The following SLC38A9 variants were observed in gnomAD, a reference collection of about 807,000 sequenced individuals.
SLC38A9 encodes neutral amino acid transporter 9.
A neutral mutation model predicts 62.3 loss-of-function variants in SLC38A9; 48 were observed. The observed-to-expected ratio is 0.77, with a 90% CI of 0.61 to 0.98. The LOEUF is 0.98. SLC38A9 is among the 50% of genes least tolerant of loss of function. The probability of loss-of-function intolerance (pLI) is 0.00; values close to 1 mark genes in which losing one functional copy is unlikely to be tolerated. For synonymous variants in SLC38A9, 204 were observed against 227.7 expected, an observed-to-expected ratio of 0.90 and a Z score of 0.94; for missense variants, 541 against 679.8, an observed-to-expected ratio of 0.80 and a Z score of 2.27.
At chr5:55,644,332 CTATTTGTTTT>C (rs1247901301) in intron 12 of SLC38A9, among the ~76,000 whole-genome samples, 2 of 26,356 alleles carry the variant, frequency 7.6e-5, no homozygotes, top group African/African-American at 1.7e-4. Context: ...TACTATGTTG[CTATTTGTTTT>C]CTATTTGTCA....
At position 55,626,584 on chromosome 5, in the gene SLC38A9, T is replaced by C; in HGVS notation, c.1596A>G (p.Gln532=). 1.9e-6 allele frequency: 3 copies of C among 1,613,978 alleles called. No individual in the cohort carries two copies. Among genetic ancestry groups the C allele is most frequent in the Non-Finnish European group, 2.5e-6 (3 of 1,179,906 alleles). The change falls in exon 16 of 16, where the codon CAA becomes CAG. Residue 532 remains glutamine (Q), a synonymous_variant. Coordinates refer to ENST00000396865, the MANE Select transcript of SLC38A9 (RefSeq NM_173514.4). Reference sequence around the variant, plus strand: ...ATTTAGGCCATGTCAGACGCTCTTCTTGGTGGAGGGAAATTATATAGATGA... The same window carrying C: ...ATTTAGGCCATGTCAGACGCTCTTCCTGGTGGAGGGAAATTATATAGATGA... ...PSLIYIISLH[Q]EERLTWPKLI...
intron 12 of SLC38A9, among the ~76,000 whole-genome samples, chr5:55,637,185 C>A (rs578258943): frequency 3.9e-5 from 6 of 152,190 alleles, no homozygotes; most frequent in Non-Finnish European, 8.8e-5. Context: ...TAAAGTGGGA[C>A]AGCCACCATC....
intron 3 of SLC38A9, among the ~76,000 whole-genome samples, chr5:55,677,559 T>G (rs950799421): frequency 3.3e-5 from 5 of 152,090 alleles, no homozygotes; most frequent in African/African-American, 9.7e-5. Context: ...TGTTTTGAGA[T>G]AGGGTTCCAT....
intron 12 of SLC38A9, among the ~76,000 whole-genome samples, chr5:55,639,122 A>C (rs1175123622): frequency 6.6e-6 from 1 of 151,946 alleles, no homozygotes; most frequent in East Asian, 1.9e-4. Context: ...AAAAATACAA[A>C]AGTAGCCAGA....
intron 3 of SLC38A9, among the ~76,000 whole-genome samples, chr5:55,675,952 A>G (rs11745821): frequency 0.6 from 90,973 of 151,976 alleles, 27,831 homozygotes; most frequent in South Asian, 0.7. Context: ...TACCCCAAAT[A>G]AGGTACAAAA....
intron 3 of SLC38A9, among the ~76,000 whole-genome samples, chr5:55,674,406 G>A (rs1023379754): frequency 2.6e-5 from 4 of 152,176 alleles, no homozygotes; most frequent in African/African-American, 9.7e-5. Context: ...GGTCATGAGG[G>A]CTCTGAGTTC....
intron 3 of SLC38A9, among the ~76,000 whole-genome samples, chr5:55,674,172 C>T (rs6450338): frequency 0.6 from 91,026 of 152,068 alleles, 27,844 homozygotes; most frequent in South Asian, 0.7. Flanking sequence ...GAATCTTTTA[C>T]TATTTGTTCT....
intron 3 of SLC38A9, chr5:55,697,123 G>T (rs111632462): frequency 1.3e-5 from 2 of 149,014 alleles, no homozygotes; most frequent in Admixed American, 1.3e-4. Flanking sequence ...GACGATGGGC[G>T]GCCAGGCAGA....
intron 8 of SLC38A9, among the ~76,000 whole-genome samples, chr5:55,662,825 C>T (rs1341684959): frequency 6.6e-6 from 1 of 151,878 alleles, no homozygotes; most frequent in African/African-American, 2.4e-5. Context: ...GTGGGGCTTC[C>T]ACTCTATCCA....
At chr5:55,682,446 G>A (rs1176957767) in intron 3 of SLC38A9, among the ~76,000 whole-genome samples, 1 of 152,188 alleles carries the variant, frequency 6.6e-6, no homozygotes, top group Non-Finnish European at 1.5e-5. Context: ...GGTAATGCTA[G>A]TACAGGATGA....
intron 3 of SLC38A9, among the ~76,000 whole-genome samples, chr5:55,697,515 C>T (rs1175463317): frequency 6.6e-6 from 1 of 151,888 alleles, no homozygotes; most frequent in Non-Finnish European, 1.5e-5. Context: ...ATTACTTTTA[C>T]TCTTCTACCT....
intron 8 of SLC38A9, among the ~76,000 whole-genome samples, chr5:55,659,456 TG>T (rs1262393972): frequency 6.7e-6 from 1 of 149,772 alleles, no homozygotes; most frequent in Non-Finnish European, 1.5e-5. Context: ...GGCACGATCT[TG>T]GCTCACTGCA....
intron 8 of SLC38A9, among the ~76,000 whole-genome samples, chr5:55,662,754 G>C (rs1356881662): frequency 1.3e-5 from 2 of 150,180 alleles, no homozygotes; most frequent in Non-Finnish European, 3.0e-5. Flanking sequence ...AGTCCAAAAA[G>C]TGCATGGGAT....
intron 3 of SLC38A9, among the ~76,000 whole-genome samples, chr5:55,682,670 G>C (rs6895259): frequency 6.6e-6 from 1 of 151,518 alleles, no homozygotes; most frequent in Admixed American, 6.6e-5. Flanking sequence ...AGCCTCCAGG[G>C]AGGCTGAGGC....
At chr5:55,691,245 G>T in intron 3 of SLC38A9, 1 of 1,156,300 alleles carries the variant, frequency 8.6e-7, no homozygotes, top group Non-Finnish European at 1.2e-6. Flanking sequence ...CTAAGTCTCT[G>T]ACATATCCAA....
At chr5:55,628,040 C>A in intron 14 of SLC38A9, 60 bp from the exon 15 acceptor site, 1 of 1,045,100 alleles carries the variant, frequency 9.6e-7, no homozygotes. Flanking sequence ...CAAATTATAA[C>A]CACTAATATG....
chr5:55,637,536 A>AT (rs1208239206), intron 12 of SLC38A9, among the ~76,000 whole-genome samples: 1 of 152,132 alleles, frequency 6.6e-6, no homozygotes, highest in African/African-American at 2.4e-5. Context: ...TCATGTTGGT[A>AT]TTTTTTCTTC....
chr5:55,651,246 ATCTTT>A (rs1416841232), intron 10 of SLC38A9, among the ~76,000 whole-genome samples: 29 of 114,114 alleles, frequency 2.5e-4, no homozygotes, highest in Admixed American at 1.5e-3. Flanking sequence ...TCCTTTTGCC[ATCTTT>A]TTTTTTTTTT....
At chr5:55,691,414 C>T in intron 3 of SLC38A9, 1 of 1,179,394 alleles carries the variant, frequency 8.5e-7, no homozygotes, top group Non-Finnish European at 1.1e-6. Context: ...ACTGGGCATA[C>T]AGAGAAGGAT....
Sources: gnomAD v4.1 joint callset for allele counts (sites outside exome capture counted in the v4.1 genomes callset) on GRCh38, gnomAD v4.1.1 for gene constraint, MANE v1.5 for transcripts, NCBI Gene and HGNC (gene_info 2026-07-23, HGNC 2026-07-21) for gene names.